The following AKAP13 variants were observed in gnomAD, a reference collection of about 807,000 sequenced individuals.
The protein encoded by AKAP13 is A-kinase anchor protein 13.
AKAP13 carries 80 observed loss-of-function variants against 264.5 expected under a neutral mutation model. That is an observed-to-expected ratio of 0.30 (90% CI 0.25 to 0.36). The LOEUF (loss-of-function observed/expected upper bound fraction) is 0.36. Ranked by LOEUF, AKAP13 falls within the 10% of genes least tolerant of loss-of-function variation. The pLI is 1.00. For synonymous variants in AKAP13, 1,380 were observed against 1,250.2 expected, an observed-to-expected ratio of 1.10 and a Z score of -2.19; for missense variants, 3,712 against 3,435.2, an observed-to-expected ratio of 1.08 and a Z score of -2.01.
At chr15:85,716,002 C>CTT (rs71141478) in intron 20 of AKAP13, 79 bp downstream of exon 20, 74,722 of 1,259,072 alleles carry the variant, frequency 0.059, 640 homozygotes, top group Admixed American at 0.14. Flanking sequence ...TGACAAAAAG[C>CTT]TTTTTTTTTT....
intron 1 of AKAP13, among the ~76,000 whole-genome samples, chr15:85,451,517 C>T (rs1048041584): frequency 6.6e-6 from 1 of 152,094 alleles, no homozygotes; most frequent in Non-Finnish European, 1.5e-5. Flanking sequence ...AGCGGTCTTT[C>T]TTTTGTATAT....
At chr15:85,570,708 TC>T (rs1378253729) in intron 5 of AKAP13, among the ~76,000 whole-genome samples, 1 of 152,138 alleles carries the variant, frequency 6.6e-6, no homozygotes, top group Non-Finnish European at 1.5e-5. Context: ...CAAAGATGCC[TC>T]CAGTTATTGT....
chr15:85,581,671 C>T lies in AKAP13; in HGVS notation c.3603C>T (p.Leu1201=). 6.2e-7 allele frequency: 1 copy of T among 1,614,150 alleles called. No homozygotes were observed. The highest frequency in any genetic ancestry group is 1.1e-5 in the South Asian group (1 of 91,088). The change falls in exon 7 of 37, where the codon CTC becomes CTT. Residue 1201 remains leucine (L), a synonymous_variant. Transcript: ENST00000394518. ...AGGAGCTCCCCACAGACATGGAGCTCTCAGCCCATGATGATGGGGCCCCAG... is the reference window on the plus strand; with the variant it reads ...AGGAGCTCCCCACAGACATGGAGCTTTCAGCCCATGATGATGGGGCCCCAG... ...VAKELPTDME[L]SAHDDGAPAG...
chr15:85,581,064 A>C lies in AKAP13; in HGVS notation c.2996A>C (p.Lys999Thr), dbSNP rs920799261. The change falls in exon 7 of 37, where the codon AAG becomes ACG. Residue 999 changes from lysine to threonine, a missense_variant. Transcript: ENST00000394518. Reference sequence around the variant, plus strand: ...CTTAAGGCAGAAACTGAACATAACAAGGAAGTGGCCCCACAAGTCTCACTG... The same window carrying C: ...CTTAAGGCAGAAACTGAACATAACACGGAAGTGGCCCCACAAGTCTCACTG... The part of the protein sequence containing the change: ...AFLKAETEHN[K>T]EVAPQVSLLT... 1 of 1,613,914 alleles carries C rather than the reference A, an allele frequency of 6.2e-7. No homozygotes were observed. The highest frequency in any genetic ancestry group is 8.5e-7 in the Non-Finnish European group (1 of 1,179,984).
intron 1 of AKAP13, among the ~76,000 whole-genome samples, chr15:85,399,031 T>C (rs2071258714): frequency 6.6e-6 from 1 of 152,232 alleles, no homozygotes; most frequent in South Asian, 2.1e-4. Context: ...TGTCCTTGTT[T>C]ACTTTGTTAG....
At position 85,730,786 on chromosome 15, in the gene AKAP13, C is replaced by A. The variant is rs746594732; in HGVS notation, c.7282+79C>A. 5.4e-4 allele frequency: 713 copies of A among 1,314,424 alleles called. 10 individuals carry two copies. Among genetic ancestry groups the A allele is most frequent in the Middle Eastern group, 2.2e-3 (11 of 4,890 alleles). The allele number at this position is 1,314,424 out of a possible 1,614,324, so 81.4% of individuals were successfully genotyped here. On this transcript the variant is annotated intron_variant, in intron 30 of 36. Coordinates refer to ENST00000394518, the MANE Select transcript of AKAP13 (RefSeq NM_007200.5). ...CACTAATATTACCTGCCAGTTTTTA[C>A]TTTTTTACTTTAAAGCACAAATGCA...
chr15:85,556,876 A>G (rs1372558330), intron 5 of AKAP13, among the ~76,000 whole-genome samples: 2 of 152,200 alleles, frequency 1.3e-5, no homozygotes, highest in Non-Finnish European at 2.9e-5. Flanking sequence ...ATTTTCTACC[A>G]TAAGCACCTG....
chr15:85,613,497 C>T (rs1243082555), intron 8 of AKAP13, among the ~76,000 whole-genome samples: 3 of 151,554 alleles, frequency 2.0e-5, no homozygotes, highest in South Asian at 2.1e-4. Context: ...CTGGCTAACA[C>T]GGTGAAACCC....
intron 14 of AKAP13, among the ~76,000 whole-genome samples, chr15:85,677,951 G>A (rs569900406): frequency 6.6e-6 from 1 of 152,118 alleles, no homozygotes; most frequent in East Asian, 1.9e-4. Context: ...CCCAGCCGGA[G>A]TTATATACGT....
At chr15:85,621,958 G>A (rs1334316325) in intron 8 of AKAP13, among the ~76,000 whole-genome samples, 9 of 152,124 alleles carry the variant, frequency 5.9e-5, no homozygotes, top group African/African-American at 2.2e-4. Flanking sequence ...TCAGAAAATA[G>A]TCATTAGTAA....
chr15:85,713,096 A>G (rs1158658895), intron 19 of AKAP13, among the ~76,000 whole-genome samples: 1 of 152,210 alleles, frequency 6.6e-6, no homozygotes, highest in East Asian at 1.9e-4. Flanking sequence ...ACATTCCTTA[A>G]GTGTTAGCTT....
At chr15:85,546,796 T>C (rs1288796620) in intron 5 of AKAP13, among the ~76,000 whole-genome samples, 2 of 151,082 alleles carry the variant, frequency 1.3e-5, no homozygotes, top group South Asian at 4.2e-4. Context: ...CAGGCTGGAG[T>C]GCAGTGGCAC....
chr15:85,707,105 T>G (rs1272826266), intron 17 of AKAP13, among the ~76,000 whole-genome samples: 1 of 152,204 alleles, frequency 6.6e-6, no homozygotes, highest in African/African-American at 2.4e-5. Flanking sequence ...GTGGTTGATT[T>G]CCTGAGTGAG....
At chr15:85,607,254 C>T (rs1480820603) in intron 8 of AKAP13, among the ~76,000 whole-genome samples, 1 of 152,004 alleles carries the variant, frequency 6.6e-6, no homozygotes, top group Admixed American at 6.6e-5. Flanking sequence ...CTCTGCTTTC[C>T]TTTGTCATGG....
intron 14 of AKAP13, among the ~76,000 whole-genome samples, chr15:85,681,529 T>C (rs2084598550): frequency 6.6e-6 from 1 of 152,100 alleles, no homozygotes; most frequent in African/African-American, 2.4e-5. Context: ...ATCTGCCTCA[T>C]TCATTTTTAT....
At chr15:85,686,780 C>T (rs1388566362) in intron 16 of AKAP13, among the ~76,000 whole-genome samples, 1 of 152,116 alleles carries the variant, frequency 6.6e-6, no homozygotes, top group South Asian at 2.1e-4. Context: ...TATAAATTAG[C>T]CAAGTATTAT....
At chr15:85,406,291 G>A (rs189615554) in intron 1 of AKAP13, among the ~76,000 whole-genome samples, 6 of 152,154 alleles carry the variant, frequency 3.9e-5, no homozygotes, top group Non-Finnish European at 5.9e-5. Flanking sequence ...AGTGAAGAGT[G>A]AAGGGACCAT....
At chr15:85,733,826 CTAAG>C (rs1180323036) in intron 30 of AKAP13, among the ~76,000 whole-genome samples, 5 of 149,788 alleles carry the variant, frequency 3.3e-5, no homozygotes, top group Non-Finnish European at 5.9e-5. Flanking sequence ...TAATTCTGAC[CTAAG>C]TTAGTTCTTT....
At chr15:85,658,438 G>A in intron 11 of AKAP13, 99 bp from the exon 12 acceptor site, 3 of 961,974 alleles carry the variant, frequency 3.1e-6, no homozygotes, top group Non-Finnish European at 4.8e-6. Context: ...TTCTCTTTGA[G>A]CAGTGTCTCT....
Sources: allele counts gnomAD v4.1 joint callset (sites outside exome capture counted in the v4.1 genomes callset), GRCh38; gene constraint gnomAD v4.1.1; transcripts MANE v1.5; gene names NCBI Gene and HGNC (gene_info 2026-07-23, HGNC 2026-07-21).